Variants in NXPE2 observed in about 807,000 individuals in gnomAD.
NXPE2 encodes the protein NXPE family member 2.
NXPE2 carries 34 observed loss-of-function variants against 34.4 expected under a neutral mutation model. The ratio of observed to expected loss-of-function variants is 0.99; its 90% CI spans 0.75 to 1.31. The LOEUF is 1.31. Among genes scored for constraint, NXPE2 ranks in the 40% most tolerant of loss-of-function variants. NXPE2 has a pLI of 0.00. For synonymous variants in NXPE2, 235 were observed against 231.3 expected (o/e 1.02, Z -0.15); for missense variants, 649 against 672.5 (o/e 0.97, Z 0.39).
the NXPE2 span, among the ~76,000 whole-genome samples, chr11:114,480,209 C>G: frequency 6.8e-6 from 1 of 146,290 alleles, no homozygotes; most frequent in Admixed American, 6.9e-5. Flanking sequence ...GGAAAGAAGA[C>G]CCAGAAGGAA....
chr11:114,625,954 T>C, the NXPE2 span, among the ~76,000 whole-genome samples: 2 of 152,102 alleles, frequency 1.3e-5, no homozygotes, highest in African/African-American at 2.4e-5. Context: ...ACCCGAATAC[T>C]GCACTTTTCC....
chr11:114,501,431 CT>C, the NXPE2 span, among the ~76,000 whole-genome samples: 1 of 152,116 alleles, frequency 6.6e-6, no homozygotes, highest in South Asian at 2.1e-4. Flanking sequence ...GATAATTAGC[CT>C]GTTTTTCTCT....
chr11:114,684,087 AT>A (rs1051604465), intron 2 of NXPE2, among the ~76,000 whole-genome samples: 1 of 152,116 alleles, frequency 6.6e-6, no homozygotes, highest in African/African-American at 2.4e-5. Context: ...CCAAGTGGAG[AT>A]GTTGAATATA....
At chr11:114,684,291 G>A (rs1390314276) in intron 2 of NXPE2, among the ~76,000 whole-genome samples, 1 of 152,056 alleles carries the variant, frequency 6.6e-6, no homozygotes. Context: ...GCTGGGCGTG[G>A]TGGTGGGCGC....
At chr11:114,766,072 T>G in the NXPE2 span, among the ~76,000 whole-genome samples, 3 of 152,354 alleles carry the variant, frequency 2.0e-5, no homozygotes, top group Non-Finnish European at 4.4e-5. Context: ...TCCAGTTTCC[T>G]AGACTGATAG....
the NXPE2 span, among the ~76,000 whole-genome samples, chr11:114,558,972 G>A: frequency 1.3e-5 from 2 of 152,096 alleles, no homozygotes; most frequent in Non-Finnish European, 2.9e-5. Flanking sequence ...AACATGTAGT[G>A]GATGTGTATT....
At chr11:114,605,167 G>T in the NXPE2 span, among the ~76,000 whole-genome samples, 11 of 151,262 alleles carry the variant, frequency 7.3e-5, no homozygotes, top group African/African-American at 2.7e-4. Flanking sequence ...GATAATAAGT[G>T]TTGCCTTGTG....
downstream of NXPE2, among the ~76,000 whole-genome samples, chr11:114,708,637 AAAAG>A (rs1397135083): frequency 1.9e-4 from 17 of 88,224 alleles, no homozygotes; most frequent in African/African-American, 5.7e-4. Flanking sequence ...CTCAAAAAAA[AAAAG>A]AAAAGAAAAG....
At chr11:114,696,218 A>G (rs1374999791) in intron 2 of NXPE2, among the ~76,000 whole-genome samples, 1 of 150,896 alleles carries the variant, frequency 6.6e-6, no homozygotes, top group Non-Finnish European at 1.5e-5. Context: ...CACACTACCT[A>G]GGTAGCTGAG....
chr11:114,809,732 G>A, the NXPE2 span, among the ~76,000 whole-genome samples: 1 of 138,540 alleles, frequency 7.2e-6, no homozygotes, highest in Non-Finnish European at 1.6e-5. Context: ...TCATGGGTAG[G>A]AAGAATCAAT....
At chr11:114,650,616 C>T in the NXPE2 span, among the ~76,000 whole-genome samples, 6 of 152,138 alleles carry the variant, frequency 3.9e-5, no homozygotes, top group Non-Finnish European at 8.8e-5. Context: ...AGAATAAGAC[C>T]TCTATCCCTA....
At chr11:114,508,587 C>T in the NXPE2 span, among the ~76,000 whole-genome samples, 26 of 152,050 alleles carry the variant, frequency 1.7e-4, no homozygotes, top group African/African-American at 3.4e-4. Context: ...GAAATAAGAC[C>T]GCATACCTAC....
chr11:114,582,439 C>G, the NXPE2 span: 10 of 1,614,044 alleles, frequency 6.2e-6, no homozygotes, highest in African/African-American at 1.1e-4. Context: ...CACAATTCAG[C>G]ATTTGTGTTT....
chr11:114,477,605 A>G, the NXPE2 span, among the ~76,000 whole-genome samples: 1 of 152,122 alleles, frequency 6.6e-6, no homozygotes, highest in African/African-American at 2.4e-5. Context: ...AAGTGTATGA[A>G]TAGTATACTA....
the NXPE2 span, among the ~76,000 whole-genome samples, chr11:114,599,251 C>A: frequency 6.6e-6 from 1 of 152,256 alleles, no homozygotes; most frequent in Non-Finnish European, 1.5e-5. Flanking sequence ...ACAAAACTGA[C>A]CTTTACTCCG....
the NXPE2 span, among the ~76,000 whole-genome samples, chr11:114,633,799 A>AT: frequency 1.3e-5 from 2 of 151,950 alleles, no homozygotes; most frequent in Admixed American, 6.6e-5. Context: ...TGAACTCACC[A>AT]TTTTTTATGG....
chr11:114,553,072 C>T, the NXPE2 span, among the ~76,000 whole-genome samples: 1 of 152,216 alleles, frequency 6.6e-6, no homozygotes, highest in African/African-American at 2.4e-5. Context: ...ACTGCTCAAT[C>T]TCCACCATGC....
chr11:114,773,696 C>CA, the NXPE2 span, among the ~76,000 whole-genome samples: 2 of 152,136 alleles, frequency 1.3e-5, no homozygotes, highest in African/African-American at 4.8e-5. Flanking sequence ...GCATTTGAAT[C>CA]GGGACTGAGT....
intron 2 of NXPE2, among the ~76,000 whole-genome samples, chr11:114,695,680 C>T (rs905405813): frequency 5.3e-5 from 8 of 152,060 alleles, no homozygotes; most frequent in African/African-American, 1.2e-4. Context: ...GAAACAACAG[C>T]GACTGTCAGA....
Sources: allele counts gnomAD v4.1 joint callset (sites outside exome capture counted in the v4.1 genomes callset), GRCh38; gene constraint gnomAD v4.1.1; transcripts MANE v1.5; gene names NCBI Gene and HGNC (gene_info 2026-07-23, HGNC 2026-07-21).